CYREN: variants seen among roughly 807,000 people sequenced by gnomAD.
The protein encoded by CYREN is cell cycle regulator of non-homologous end joining.
In CYREN, 7 loss-of-function variants were observed where a neutral mutation model predicts 9.7. That is an observed-to-expected ratio of 0.72 (90% CI 0.41 to 1.36). The LOEUF (loss-of-function observed/expected upper bound fraction) is 1.36. CYREN is among the 40% of genes most tolerant of loss of function. CYREN has a pLI of 0.01. For missense variants in CYREN, 215 were observed against 198.1 expected (o/e 1.09, Z -0.51); for synonymous variants, 76 against 77.9 (o/e 0.98, Z 0.13).
intron 2 of CYREN, chr7:135,134,712 A>T: frequency 1.1e-6 from 1 of 882,812 alleles, no homozygotes; most frequent in Non-Finnish European, 1.7e-6. Context: ...ATGATGGTAA[A>T]ATTCTTAAAC....
chr7:135,152,305 C>T (rs1829683486), intron 2 of CYREN, among the ~76,000 whole-genome samples: 1 of 152,214 alleles, frequency 6.6e-6, no homozygotes, highest in Non-Finnish European at 1.5e-5. Flanking sequence ...CAAATGGGAA[C>T]AGTGATAATA....
rs199672225 is a variant in CYREN at position 135,166,794 on chromosome 7, G to T, written c.291C>A (p.Ser97=). ...ADNPEHSPPC[S]VSPHTSSGSS... ...TCCCAGAACTTGTGTGAGGCGACACGGAGCAGGGAGGGGAGTGCTCTGGGT... is the reference window on the plus strand; with the variant it reads ...TCCCAGAACTTGTGTGAGGCGACACTGAGCAGGGAGGGGAGTGCTCTGGGT... The change falls in exon 4 of 4, where the codon TCC becomes TCA. Residue 97 remains serine, a synonymous_variant. Coordinates refer to ENST00000393114, the MANE Select transcript of CYREN (RefSeq NM_024033.4). The T allele has an allele frequency of 1.2e-6, 2 of 1,614,216 alleles. No individual in the cohort carries two copies. The highest frequency in any genetic ancestry group is 2.2e-5 in the South Asian group (2 of 91,084).
chr7:135,105,683 C>T (rs1200491620), intron 2 of CYREN, among the ~76,000 whole-genome samples: 8 of 152,046 alleles, frequency 5.3e-5, no homozygotes, highest in Non-Finnish European at 1.5e-5. Context: ...CAGCTTTGTT[C>T]TTTTTGCTTA....
At chr7:135,141,619 T>C (rs1562917874) in intron 2 of CYREN, among the ~76,000 whole-genome samples, 2 of 152,126 alleles carry the variant, frequency 1.3e-5, no homozygotes. Context: ...ACTCCTGTTT[T>C]TCTAGTTCTT....
chr7:135,102,058 C>T (rs1708902998), intron 2 of CYREN, among the ~76,000 whole-genome samples: 1 of 152,196 alleles, frequency 6.6e-6, no homozygotes, highest in South Asian at 2.1e-4. Flanking sequence ...CACATAGAAT[C>T]GTGATTCCAT....
At chr7:135,163,774 C>A (rs1307467300), downstream of CYREN, among the ~76,000 whole-genome samples, 1 of 152,238 alleles carries the variant, frequency 6.6e-6, no homozygotes, top group Non-Finnish European at 1.5e-5. Flanking sequence ...GACATCTTGT[C>A]TTGACCCAGT....
chr7:135,093,948 T>G (rs563978212), exon 3 of CYREN: 2 of 169,232 alleles, frequency 1.2e-5, no homozygotes, highest in Admixed American at 1.2e-4. Context: ...CCTTTATATA[T>G]ATTTCAATTG....
chr7:135,145,598 G>A (rs1458498737), intron 2 of CYREN, among the ~76,000 whole-genome samples: 1 of 152,160 alleles, frequency 6.6e-6, no homozygotes, highest in African/African-American at 2.4e-5. Context: ...AGATTTGAGG[G>A]TTGGATTAGT....
In CYREN at chr7:135,145,969, T is replaced by A. The variant is rs548571964; in HGVS notation, n.356+22780A>T. Among the ~76,000 whole-genome samples the A allele has an allele frequency of 3.2e-4, 48 of 152,344 alleles. No individual in the cohort carries two copies. The South Asian group carries it at 9.7e-3, about 31-fold the overall frequency. On this transcript the variant is annotated intron_variant and non_coding_transcript_variant, in intron 2 of 2. Transcript: ENST00000459937. Reference sequence around the variant, plus strand: ...CTTTGTTGCTAAATAATGCTAACAATCATCTGAACCTTTGCCTTCACAACA... The same window carrying A: ...CTTTGTTGCTAAATAATGCTAACAAACATCTGAACCTTTGCCTTCACAACA...
intron 3 of CYREN, 156 bp downstream of exon 3, chr7:135,167,576 C>T (rs1830261290): frequency 1.0e-6 from 1 of 985,334 alleles, no homozygotes; most frequent in African/African-American, 1.7e-5. Context: ...GGGGAGAGGC[C>T]TGGGCAGCAT....
At chr7:135,169,722 C>T (rs1830508228) in intron 1 of CYREN, among the ~76,000 whole-genome samples, 1 of 152,038 alleles carries the variant, frequency 6.6e-6, no homozygotes. Context: ...CAGTCCTCAC[C>T]CAGAGAGATG....
At chr7:135,104,270 T>C (rs1288800620) in intron 2 of CYREN, among the ~76,000 whole-genome samples, 1 of 152,272 alleles carries the variant, frequency 6.6e-6, no homozygotes, top group Non-Finnish European at 1.5e-5. Flanking sequence ...GGCTACATAG[T>C]ATTCCATGGT....
chr7:135,135,941 T>C (rs933716939), intron 2 of CYREN, among the ~76,000 whole-genome samples: 1 of 152,118 alleles, frequency 6.6e-6, no homozygotes, highest in Non-Finnish European at 1.5e-5. Context: ...GGTGTAAAGA[T>C]GTACAGTTTC....
chr7:135,162,267 C>A (rs2080971035), downstream of CYREN, among the ~76,000 whole-genome samples: 1 of 152,196 alleles, frequency 6.6e-6, no homozygotes, highest in Admixed American at 6.5e-5. Context: ...CTTCAGGTCC[C>A]TTCCCAGGGC....
chr7:135,159,941 A>G (rs1265093896), intron 2 of CYREN, among the ~76,000 whole-genome samples: 7 of 152,248 alleles, frequency 4.6e-5, no homozygotes, highest in African/African-American at 1.4e-4. Flanking sequence ...TGGTGGAAAC[A>G]TAAGTTGATT....
chr7:135,171,385 C>G (rs1375002778), upstream of CYREN, among the ~76,000 whole-genome samples: 3 of 151,364 alleles, frequency 2.0e-5, no homozygotes, highest in African/African-American at 7.3e-5. Flanking sequence ...CAAAACTGGA[C>G]CTGGGCCTGC....
At chr7:135,132,910 T>C (rs907455397) in intron 2 of CYREN, among the ~76,000 whole-genome samples, 1 of 152,210 alleles carries the variant, frequency 6.6e-6, no homozygotes, top group Non-Finnish European at 1.5e-5. Context: ...CTATTGAACA[T>C]TGTGCTAGAA....
In CYREN at chr7:135,166,707, C is replaced by T. The variant is rs779948994; in HGVS notation, c.378G>A (p.Gln126=). 3 of 1,613,344 alleles carry T rather than the reference C, an allele frequency of 1.9e-6. No individual in the cohort carries two copies. The African/African-American group carries it at 4.0e-5, about 22-fold the overall frequency. Reference sequence around the variant, plus strand: ...AGGCAGAGCTGGAACCCCCCGGCCTCTGGGAAGGGCTGAGGCCTGGAGCCA... The same window carrying T: ...AGGCAGAGCTGGAACCCCCCGGCCTTTGGGAAGGGCTGAGGCCTGGAGCCA... ...QALAPGLSPS[Q]RPGGSSSACS... Residue 126 remains glutamine (Q), a synonymous_variant, in exon 4 of 4, where the codon CAG becomes CAA. Coordinates refer to ENST00000393114, the MANE Select transcript of CYREN (RefSeq NM_024033.4).
rs1829663692 is a variant in CYREN, at chr7:135,151,458, G to A, written n.356+17291C>T. Among the ~76,000 whole-genome samples the A allele has an allele frequency of 6.6e-6, 1 of 152,170 alleles. No individual in the cohort carries two copies. The highest frequency in any genetic ancestry group is 2.4e-5 in the African/African-American group (1 of 41,440). ...CTGGTGGCCTCTGACAAGTAAACCT[G>A]CGCCCTTGTTCTATGCCCTGGCAAG... is the stretch of plus-strand genomic sequence containing the variant. On this transcript the variant is annotated intron_variant and non_coding_transcript_variant, in intron 2 of 2. Coordinates refer to the CYREN transcript ENST00000459937. This position sits in a 1 kb window ranked among gnomAD's most constrained non-coding sequence, Gnocchi z 4.3.
Sources: allele counts gnomAD v4.1 joint callset (sites outside exome capture counted in the v4.1 genomes callset), GRCh38; gene constraint gnomAD v4.1.1; non-coding constraint Gnocchi (gnomAD v3.1); transcripts MANE v1.5; gene names NCBI Gene and HGNC (gene_info 2026-07-23, HGNC 2026-07-21).